C2orf49: variants seen among roughly 807,000 people sequenced by gnomAD.
C2orf49 encodes tRNA-splicing ligase complex subunit ASW.
Under a neutral mutation model 20.6 loss-of-function variants are expected in C2orf49, and 11 were observed. That is an observed-to-expected ratio of 0.53 (90% CI 0.34 to 0.88). C2orf49 has a LOEUF of 0.88. Ranked by LOEUF, C2orf49 falls within the 40% of genes least tolerant of loss-of-function variation. The pLI, the probability that C2orf49 is intolerant of heterozygous loss-of-function variation, is 0.02. For missense variants in C2orf49, 289 were observed against 274.2 expected (o/e 1.05, Z -0.38); for synonymous variants, 134 against 108.5 (o/e 1.24, Z -1.46).
In C2orf49 at chr2:105,347,097, T is replaced by A. The variant is rs1325511746; in HGVS notation, c.*1726T>A. The stretch of plus-strand genomic sequence containing the variant: ...TCAGCCTTGCAGGTAAGTACCATAC[T>A]AAGACTTTAACCCAATAGTTTTTAA... On this transcript the variant is annotated 3_prime_UTR_variant, in exon 4 of 4. Coordinates refer to ENST00000258457, the MANE Select transcript of C2orf49 (RefSeq NM_024093.3). The A allele has an allele frequency of 6.6e-6, 1 of 152,224 alleles. No homozygotes were observed. Among genetic ancestry groups the A allele is most frequent in the Non-Finnish European group, 1.5e-5 (1 of 68,030 alleles). The allele number at this position is 152,224 out of a possible 1,614,324, so 9.4% of individuals were successfully genotyped here. A position where few individuals can be genotyped will look rare whatever the true frequency, so the allele number is the denominator to read the frequency against.
At chr2:105,360,979 A>G in the C2orf49 span, 1 of 244,238 alleles carries the variant, frequency 4.1e-6, no homozygotes, top group Non-Finnish European at 7.9e-6. Context: ...ACTTAAATAG[A>G]CAGTGAGAGA....
the C2orf49 span, among the ~76,000 whole-genome samples, chr2:105,355,471 T>C: frequency 6.6e-6 from 1 of 152,106 alleles, no homozygotes; most frequent in African/African-American, 2.4e-5. Context: ...TTAACACAAG[T>C]CAGAGTTATC....
At chr2:105,352,554 C>T (rs1242959517), downstream of C2orf49, among the ~76,000 whole-genome samples, 1 of 145,452 alleles carries the variant, frequency 6.9e-6, no homozygotes, top group Non-Finnish European at 1.5e-5. Flanking sequence ...AAGCGATTCT[C>T]CTGCCTCAGC....
rs1243165186 is a variant in C2orf49 at position 105,347,833 on chromosome 2, G to A, written c.*2462G>A. On this transcript the variant is annotated 3_prime_UTR_variant, in exon 4 of 4. Coordinates refer to ENST00000258457, the MANE Select transcript of C2orf49 (RefSeq NM_024093.3). ...TATGGCAAACAACTTTAGAATACTA[G>A]TTACTCACTAACATGAGGCGGGTAA... 1 of 152,210 alleles carries A rather than the reference G, an allele frequency of 6.6e-6. No individual in the cohort carries two copies. The highest frequency in any genetic ancestry group is 1.9e-4 in the East Asian group (1 of 5,202). 9.4% of individuals were successfully genotyped at this position (152,210 alleles called of 1,614,324 possible). A position where few individuals can be genotyped will look rare whatever the true frequency, so the allele number is the denominator to read the frequency against.
chr2:105,343,248 C>G (rs1338014564), intron 3 of C2orf49, 25 bp downstream of exon 3: 14 of 1,539,552 alleles, frequency 9.1e-6, no homozygotes, highest in Non-Finnish European at 1.1e-5. Flanking sequence ...GGTTTCCATG[C>G]TGGTAAGTGG....
chr2:105,384,782 A>G, the C2orf49 span, among the ~76,000 whole-genome samples: 4 of 152,176 alleles, frequency 2.6e-5, no homozygotes, highest in Non-Finnish European at 5.9e-5. Context: ...TGCTGGGATT[A>G]TAGGCTTTGA....
chr2:105,364,808 GAGACTC>G, the C2orf49 span, among the ~76,000 whole-genome samples: 1 of 152,216 alleles, frequency 6.6e-6, no homozygotes, highest in South Asian at 2.1e-4. Flanking sequence ...TGAGTAAACT[GAGACTC>G]AGAGAAATTA....
chr2:105,369,145 G>A, the C2orf49 span, among the ~76,000 whole-genome samples: 1 of 152,328 alleles, frequency 6.6e-6, no homozygotes, highest in East Asian at 1.9e-4. Context: ...CCTGGGGACT[G>A]TGGCATGAGG....
At position 105,346,546 on chromosome 2, in the gene C2orf49, T is replaced by C. The variant is rs1178030962; in HGVS notation, c.*1175T>C. On this transcript the variant is annotated 3_prime_UTR_variant, in exon 4 of 4. Transcript: ENST00000258457. ...TAATCATGTTAGAGGTGGTATTCGATGGAAGAAAGTTTAGAGAGTTAGGAG... is the reference window on the plus strand; with the variant it reads ...TAATCATGTTAGAGGTGGTATTCGACGGAAGAAAGTTTAGAGAGTTAGGAG... The C allele has an allele frequency of 1.3e-5, 2 of 152,164 alleles. No homozygotes were observed. Among genetic ancestry groups the C allele is most frequent in the East Asian group, 3.9e-4 (2 of 5,192 alleles). 9.4% of individuals were successfully genotyped at this position (152,164 alleles called of 1,614,324 possible). A position where few individuals can be genotyped will look rare whatever the true frequency, so the allele number is the denominator to read the frequency against.
At chr2:105,361,436 T>C in the C2orf49 span, 18 of 1,610,988 alleles carry the variant, frequency 1.1e-5, no homozygotes, top group Non-Finnish European at 1.4e-5. Context: ...CACCAAGTCC[T>C]GTTAACAGAG....
At chr2:105,373,507 A>C in the C2orf49 span, 1 of 1,604,758 alleles carries the variant, frequency 6.2e-7, no homozygotes, top group Non-Finnish European at 8.5e-7. Context: ...AGGAACGTGC[A>C]CAAGGCTTGA....
chr2:105,357,570 G>T, the C2orf49 span: 1 of 152,130 alleles, frequency 6.6e-6, no homozygotes, highest in Admixed American at 6.5e-5. Context: ...ACATCATTCT[G>T]TATACTTTAA....
At chr2:105,367,924 G>T in the C2orf49 span, among the ~76,000 whole-genome samples, 1 of 152,130 alleles carries the variant, frequency 6.6e-6, no homozygotes, top group Non-Finnish European at 1.5e-5. Context: ...TTTGTCTTTT[G>T]GTTCACTACT....
rs200846795 is a variant in C2orf49 at position 105,342,970 on chromosome 2, C to T, written c.389C>T (p.Pro130Leu). ...NGDNDRLKPP[P>L]QASFTSNAFR... Reference sequence around the variant, plus strand: ...GATAATGATCGACTGAAGCCTCCCCCGCAGGCAAGCTTTACCAGTAATGCC... The same window carrying T: ...GATAATGATCGACTGAAGCCTCCCCTGCAGGCAAGCTTTACCAGTAATGCC... Residue 130 changes from proline to leucine, a missense_variant, in exon 3 of 4, where the codon CCG becomes CTG. Pro to Leu is a moderately conservative substitution (Grantham distance 98). Transcript: ENST00000258457. 1.9e-5 allele frequency: 30 copies of T among 1,614,208 alleles called. No individual in the cohort carries two copies. The highest frequency in any genetic ancestry group is 1.6e-4 in the Middle Eastern group (1 of 6,062).
At chr2:105,345,051 T>C (rs1279958603) in intron 3 of C2orf49, among the ~76,000 whole-genome samples, 1 of 152,094 alleles carries the variant, frequency 6.6e-6, no homozygotes, top group Non-Finnish European at 1.5e-5. Flanking sequence ...CCCTACCTTT[T>C]ATGGATTCTG....
At chr2:105,361,519 T>A in the C2orf49 span, 2 of 1,298,100 alleles carry the variant, frequency 1.5e-6, no homozygotes, top group Non-Finnish European at 2.2e-6. Flanking sequence ...GTTTGATCCA[T>A]TTCAAAGTTT....
the C2orf49 span, chr2:105,385,841 A>G: frequency 6.2e-6 from 1 of 162,014 alleles, no homozygotes; most frequent in African/African-American, 2.4e-5. Context: ...TTCCCCATTG[A>G]AAGGAAACAA....
At chr2:105,357,422 C>T in the C2orf49 span, among the ~76,000 whole-genome samples, 4 of 152,062 alleles carry the variant, frequency 2.6e-5, no homozygotes, top group Non-Finnish European at 5.9e-5. Context: ...ATTTTTATCT[C>T]TTTATTGGTT....
downstream of C2orf49, among the ~76,000 whole-genome samples, chr2:105,349,528 T>G (rs190990110): frequency 2.4e-3 from 361 of 152,370 alleles, 3 homozygotes; most frequent in African/African-American, 8.1e-3. Flanking sequence ...TTCAGTTGTT[T>G]AGTAGCTTGA....
Sources: gnomAD v4.1 joint callset for allele counts (sites outside exome capture counted in the v4.1 genomes callset) on GRCh38, gnomAD v4.1.1 for gene constraint, MANE v1.5 for transcripts, NCBI Gene and HGNC (gene_info 2026-07-23, HGNC 2026-07-21) for gene names.